STMN4: variants seen among roughly 807,000 people sequenced by gnomAD.
STMN4 encodes the protein stathmin-4.
Under a neutral mutation model 29.1 loss-of-function variants are expected in STMN4, and 12 were observed. That is an observed-to-expected ratio of 0.41 (90% CI 0.26 to 0.67). STMN4 has a LOEUF of 0.67. Ranked by LOEUF, STMN4 falls within the 30% of genes least tolerant of loss-of-function variation. STMN4 has a pLI of 0.30. For missense variants in STMN4, 181 were observed against 262.8 expected (o/e 0.69, Z 2.15); for synonymous variants, 114 against 105.3 (o/e 1.08, Z -0.51).
intron 6 of STMN4, among the ~76,000 whole-genome samples, chr8:27,237,666 AGTGCAGC>A (rs1801348703): frequency 6.6e-6 from 1 of 152,208 alleles, no homozygotes; most frequent in African/African-American, 2.4e-5. Flanking sequence ...TTCACAGGGT[AGTGCAGC>A]CAAAAGATAG....
chr8:27,240,621 G>T (rs1244259610), intron 5 of STMN4, among the ~76,000 whole-genome samples: 1 of 152,124 alleles, frequency 6.6e-6, no homozygotes, highest in Non-Finnish European at 1.5e-5. Flanking sequence ...ATAAAGAAAA[G>T]TTACACATAG....
intron 6 of STMN4, chr8:27,239,256 G>C: frequency 6.5e-7 from 1 of 1,535,686 alleles, no homozygotes; most frequent in Non-Finnish European, 8.7e-7. Context: ...CAGGTCCCGG[G>C]AGTCACCGCG....
intron 6 of STMN4, chr8:27,239,581 G>A (rs1801405351): frequency 2.1e-6 from 2 of 957,098 alleles, no homozygotes; most frequent in Non-Finnish European, 3.0e-6. Flanking sequence ...TTAGAGCCAA[G>A]AGCTCAAGAA....
chr8:27,241,103 G>A lies in STMN4; in HGVS notation c.350C>T (p.Ser117Phe). ...TAGTTTCTTCTGGATCTCTTCCAGGGATGGGTCTCGCCGCCTTGGCAGGGA... is the reference window on the plus strand; with the variant it reads ...TAGTTTCTTCTGGATCTCTTCCAGGAATGGGTCTCGCCGCCTTGGCAGGGA... ...NASLPRRRDP[S>F]LEEIQKKLEA... The change falls in exon 5 of 7, where the codon TCC (serine) becomes TTC (phenylalanine). Residue 117 changes from serine (S) to phenylalanine (F), a missense_variant. By Grantham distance (155) the Ser-to-Phe change is radical (BLOSUM62 -2). Transcript: ENST00000350889. 1 of 1,614,190 alleles carries A rather than the reference G, an allele frequency of 6.2e-7. No homozygotes were observed. Among genetic ancestry groups the A allele is most frequent in the Non-Finnish European group, 8.5e-7 (1 of 1,180,016 alleles).
At chr8:27,239,537 C>T in intron 6 of STMN4, 1 of 729,000 alleles carries the variant, frequency 1.4e-6, no homozygotes, top group Non-Finnish European at 2.2e-6. Context: ...ATGTTTCCTG[C>T]TCAGTGGGAA....
chr8:27,238,598 C>T (rs994854596), intron 6 of STMN4, among the ~76,000 whole-genome samples: 3 of 152,228 alleles, frequency 2.0e-5, no homozygotes, highest in Non-Finnish European at 2.9e-5. Flanking sequence ...TCCCTTTCCT[C>T]GGCCTCCAAA....
chr8:27,251,605 A>G (rs1563421400), intron 1 of STMN4, among the ~76,000 whole-genome samples: 1 of 152,196 alleles, frequency 6.6e-6, no homozygotes, highest in East Asian at 1.9e-4. Context: ...TTACAAACAT[A>G]TTCACATTAT....
intron 1 of STMN4, among the ~76,000 whole-genome samples, 159 bp from the exon 2 acceptor site, chr8:27,243,960 C>T (rs1056967115): frequency 1.1e-4 from 17 of 152,180 alleles, no homozygotes; most frequent in African/African-American, 2.7e-4. Flanking sequence ...TCCCCTACCC[C>T]GACCTCCCTC....
At chr8:27,239,195 G>T in intron 6 of STMN4, 1 of 1,532,668 alleles carries the variant, frequency 6.5e-7, no homozygotes, top group Non-Finnish European at 8.7e-7. Flanking sequence ...TAGGTGGATG[G>T]GCAGGAAGGA....
At chr8:27,248,343 G>T (rs1415493601) in intron 1 of STMN4, among the ~76,000 whole-genome samples, 1 of 152,152 alleles carries the variant, frequency 6.6e-6, no homozygotes, top group East Asian at 1.9e-4. Flanking sequence ...TGCAATTGAG[G>T]TTCTGCAGTG....
At position 27,243,765 on chromosome 8, in the gene STMN4, A is replaced by G. The variant is rs1198879546; in HGVS notation, c.-42T>C. 1 of 1,614,152 alleles carries G rather than the reference A, an allele frequency of 6.2e-7. No homozygotes were observed. Among genetic ancestry groups the G allele is most frequent in the Non-Finnish European group, 8.5e-7 (1 of 1,180,034 alleles). ...GGCTGAATCTAGCTGAAAGTTACAGAGTGGGTCTGTCACCAGCTTGGGACG... is the reference window on the plus strand; with the variant it reads ...GGCTGAATCTAGCTGAAAGTTACAGGGTGGGTCTGTCACCAGCTTGGGACG... On this transcript the variant is annotated 5_prime_UTR_variant, in exon 2 of 7. Coordinates refer to ENST00000350889, the MANE Select transcript of STMN4 (RefSeq NM_030795.4).
intron 6 of STMN4, among the ~76,000 whole-genome samples, chr8:27,237,129 G>T (rs1490301714): frequency 2.0e-5 from 3 of 152,144 alleles, no homozygotes; most frequent in Admixed American, 1.3e-4. Context: ...GGTCCTGTGG[G>T]TGTCAAACTG....
At chr8:27,244,818 A>T (rs1440279569) in intron 1 of STMN4, among the ~76,000 whole-genome samples, 3 of 152,118 alleles carry the variant, frequency 2.0e-5, no homozygotes, top group African/African-American at 7.2e-5. Context: ...AGAGGGGTGG[A>T]GGTGATGGGA....
chr8:27,241,384 C>T (rs1801466320), intron 4 of STMN4, 122 bp from the exon 5 acceptor site: 1 of 1,173,568 alleles, frequency 8.5e-7, no homozygotes, highest in Non-Finnish European at 1.2e-6. Flanking sequence ...AGACTGGGGT[C>T]TGGCTTAGTC....
chr8:27,248,167 G>T (rs1801682721), intron 1 of STMN4, among the ~76,000 whole-genome samples: 1 of 152,236 alleles, frequency 6.6e-6, no homozygotes, highest in Non-Finnish European at 1.5e-5. Context: ...GGGCAGCTGA[G>T]CCCCTGTGCT....
intron 1 of STMN4, among the ~76,000 whole-genome samples, chr8:27,255,373 CTA>C (rs1801910964): frequency 6.6e-6 from 1 of 152,108 alleles, no homozygotes; most frequent in South Asian, 2.1e-4. Flanking sequence ...TCCGGGAACT[CTA>C]TGTTTCCAAA....
intron 1 of STMN4, among the ~76,000 whole-genome samples, chr8:27,255,635 T>C (rs1801918851): frequency 6.6e-6 from 1 of 152,216 alleles, no homozygotes; most frequent in African/African-American, 2.4e-5. Context: ...TTGCCCCATG[T>C]TCCTTTTTCC....
At chr8:27,252,144 C>A (rs1208421286) in intron 1 of STMN4, among the ~76,000 whole-genome samples, 2 of 147,114 alleles carry the variant, frequency 1.4e-5, no homozygotes, top group African/African-American at 2.4e-5. Flanking sequence ...ACGAACTCAT[C>A]ATTTTTTATG....
intron 5 of STMN4, among the ~76,000 whole-genome samples, chr8:27,240,723 C>T (rs758898410): frequency 2.0e-5 from 3 of 152,174 alleles, no homozygotes; most frequent in Non-Finnish European, 4.4e-5. Flanking sequence ...CCTCCTCCAA[C>T]GAAGAAGCTC....
Sources: gnomAD v4.1 joint callset for allele counts (sites outside exome capture counted in the v4.1 genomes callset) on GRCh38, gnomAD v4.1.1 for gene constraint, MANE v1.5 for transcripts, NCBI Gene and HGNC (gene_info 2026-07-23, HGNC 2026-07-21) for gene names.